PHF24: variants seen among roughly 807,000 people sequenced by gnomAD.
The protein encoded by PHF24 is PHD finger protein 24.
Under a neutral mutation model 42.6 loss-of-function variants are expected in PHF24, and 25 were observed. The ratio of observed to expected loss-of-function variants is 0.59; its 90% confidence interval spans 0.43 to 0.82. PHF24 has a LOEUF of 0.82. Among genes scored for constraint, PHF24 ranks in the 40% least tolerant of loss-of-function variants. PHF24 has a pLI of 0.00. For synonymous variants in PHF24, 185 were observed against 204.8 expected (o/e 0.90, Z 0.83); for missense variants, 470 against 538.1 (o/e 0.87, Z 1.25).
chr9:34,767,709 C>A, the PHF24 span, among the ~76,000 whole-genome samples: 1 of 152,248 alleles, frequency 6.6e-6, no homozygotes, highest in Admixed American at 6.5e-5. Context: ...GCGCTGCACC[C>A]ACTGTCCTGC....
At chr9:34,784,450 C>A in the PHF24 span, among the ~76,000 whole-genome samples, 3 of 152,190 alleles carry the variant, frequency 2.0e-5, no homozygotes, top group African/African-American at 7.2e-5. Flanking sequence ...AATCCTTATC[C>A]TATTCCAATT....
the PHF24 span, among the ~76,000 whole-genome samples, chr9:34,930,289 GA>G: frequency 3.3e-5 from 5 of 152,214 alleles, no homozygotes; most frequent in African/African-American, 1.2e-4. Context: ...TGGTAAAAGA[GA>G]AGGAACGTGA....
the PHF24 span, among the ~76,000 whole-genome samples, chr9:34,688,564 C>T: frequency 1.3e-5 from 2 of 152,160 alleles, no homozygotes; most frequent in African/African-American, 4.8e-5. Context: ...TCCTGTGCTT[C>T]CCTGGCTACT....
chr9:34,950,900 A>T, the PHF24 span, among the ~76,000 whole-genome samples: 1 of 152,224 alleles, frequency 6.6e-6, no homozygotes, highest in Non-Finnish European at 1.5e-5. Context: ...TTCTTTGAAA[A>T]GACCAATAAA....
At chr9:34,935,010 AG>A in the PHF24 span, among the ~76,000 whole-genome samples, 3 of 152,224 alleles carry the variant, frequency 2.0e-5, no homozygotes, top group Non-Finnish European at 2.9e-5. Flanking sequence ...GATAAAGGAA[AG>A]GACTGAGCCC....
the PHF24 span, among the ~76,000 whole-genome samples, chr9:34,760,234 T>C: frequency 6.6e-6 from 1 of 152,322 alleles, no homozygotes; most frequent in Non-Finnish European, 1.5e-5. Context: ...AGAGCCACAA[T>C]GATTGCAATA....
chr9:34,891,246 C>T, the PHF24 span, among the ~76,000 whole-genome samples: 32 of 152,098 alleles, frequency 2.1e-4, no homozygotes, highest in African/African-American at 7.7e-4. Flanking sequence ...GTGTCACTTC[C>T]AGGTCCAGGT....
At chr9:34,811,736 T>G in the PHF24 span, among the ~76,000 whole-genome samples, 1 of 152,322 alleles carries the variant, frequency 6.6e-6, no homozygotes, top group Admixed American at 6.5e-5. Flanking sequence ...GCCTTGGATT[T>G]GGCAATAATT....
the PHF24 span, among the ~76,000 whole-genome samples, chr9:34,777,066 G>A: frequency 1.3e-5 from 2 of 152,156 alleles, no homozygotes; most frequent in South Asian, 2.1e-4. Context: ...TGGGGATGGG[G>A]ATGCCAGGTA....
chr9:34,964,675 T>C (rs1826707178), intron 1 of PHF24, among the ~76,000 whole-genome samples: 1 of 152,228 alleles, frequency 6.6e-6, no homozygotes, highest in South Asian at 2.1e-4. Flanking sequence ...AATGGGTGTG[T>C]CTTGCAAACA....
chr9:34,704,478 A>AGTGTGTGTGT, the PHF24 span, among the ~76,000 whole-genome samples: 37 of 150,712 alleles, frequency 2.5e-4, no homozygotes, highest in African/African-American at 9.0e-4. Context: ...TGATTTCATT[A>AGTGTGTGTGT]GTGTGTGTGT....
chr9:34,847,050 T>C, the PHF24 span, among the ~76,000 whole-genome samples: 1 of 152,222 alleles, frequency 6.6e-6, no homozygotes, highest in Non-Finnish European at 1.5e-5. Flanking sequence ...TCCAGCTTTG[T>C]TCTTTTGGCT....
chr9:34,776,684 G>C, the PHF24 span, among the ~76,000 whole-genome samples: 1 of 152,234 alleles, frequency 6.6e-6, no homozygotes, highest in East Asian at 1.9e-4. Flanking sequence ...TTATTTTTCT[G>C]AGATCTTGTG....
the PHF24 span, among the ~76,000 whole-genome samples, chr9:34,760,179 A>G: frequency 6.6e-6 from 1 of 152,212 alleles, no homozygotes; most frequent in Non-Finnish European, 1.5e-5. Context: ...ATTTGTTTCT[A>G]GAAAACTTGC....
chr9:34,687,583 T>C, the PHF24 span, among the ~76,000 whole-genome samples: 1 of 152,184 alleles, frequency 6.6e-6, no homozygotes. Context: ...GGCAGTGTCA[T>C]GGAGGTAGCG....
At chr9:34,947,673 G>T in the PHF24 span, among the ~76,000 whole-genome samples, 1 of 149,526 alleles carries the variant, frequency 6.7e-6, no homozygotes, top group Non-Finnish European at 1.5e-5. Flanking sequence ...GCCTCTGAAG[G>T]CCTTCCAGTG....
chr9:34,941,386 G>A, the PHF24 span, among the ~76,000 whole-genome samples: 1 of 152,194 alleles, frequency 6.6e-6, no homozygotes, highest in East Asian at 1.9e-4. Context: ...TGGGTCTCAT[G>A]TCTGGATGCT....
chr9:34,752,040 A>T, the PHF24 span, among the ~76,000 whole-genome samples: 118,624 of 151,956 alleles, frequency 0.78, 46,960 homozygotes, highest in East Asian at 0.95. Flanking sequence ...ACCTATAGGA[A>T]ACAGTGAAAG....
At chr9:34,934,113 G>C in the PHF24 span, among the ~76,000 whole-genome samples, 1 of 152,146 alleles carries the variant, frequency 6.6e-6, no homozygotes, top group African/African-American at 2.4e-5. Flanking sequence ...GTAAGACAAT[G>C]TCCAAGTTCT....
Sources: gnomAD v4.1 joint callset for allele counts (sites outside exome capture counted in the v4.1 genomes callset) on GRCh38, gnomAD v4.1.1 for gene constraint, MANE v1.5 for transcripts, NCBI Gene and HGNC (gene_info 2026-07-23, HGNC 2026-07-21) for gene names.